Variants in PGCKA1 observed in about 807,000 individuals in gnomAD.
PGCKA1 encodes PDCD10 and GCKIII kinases associated 1.
the PGCKA1 span, among the ~76,000 whole-genome samples, chr4:37,530,085 T>C: frequency 6.6e-6 from 1 of 152,254 alleles, no homozygotes; most frequent in Non-Finnish European, 1.5e-5. Flanking sequence ...TAAAACTTTT[T>C]ATCTTCCATC....
chr4:37,562,117 A>G, the PGCKA1 span, among the ~76,000 whole-genome samples: 16 of 152,228 alleles, frequency 1.1e-4, no homozygotes, highest in African/African-American at 3.9e-4. Flanking sequence ...GTTTGAGCTC[A>G]GCTAGAAACA....
At chr4:37,570,249 C>T in the PGCKA1 span, among the ~76,000 whole-genome samples, 2 of 148,560 alleles carry the variant, frequency 1.3e-5, no homozygotes, top group Non-Finnish European at 3.0e-5. Context: ...CCGCCGACCT[C>T]GGCCTCCCAA....
chr4:37,508,013 G>A, the PGCKA1 span, among the ~76,000 whole-genome samples: 1 of 152,086 alleles, frequency 6.6e-6, no homozygotes, highest in African/African-American at 2.4e-5. Context: ...CTCTCTCCTA[G>A]CCTGTGAAGT....
the PGCKA1 span, among the ~76,000 whole-genome samples, chr4:37,512,454 C>CTATTT: frequency 7.9e-6 from 1 of 126,968 alleles, no homozygotes; most frequent in African/African-American, 3.1e-5. Context: ...GTGTTGATTT[C>CTATTT]TTTTTTTTTT....
the PGCKA1 span, among the ~76,000 whole-genome samples, chr4:37,466,787 C>A: frequency 6.6e-6 from 1 of 152,074 alleles, no homozygotes; most frequent in Admixed American, 6.6e-5. Context: ...TGAAAAAAAT[C>A]CATATATCAT....
At chr4:37,483,059 G>C in the PGCKA1 span, among the ~76,000 whole-genome samples, 29 of 152,330 alleles carry the variant, frequency 1.9e-4, no homozygotes, top group Non-Finnish European at 3.8e-4. Context: ...GAGGGGCCCA[G>C]TGGGAGATAA....
At chr4:37,479,615 C>T in the PGCKA1 span, among the ~76,000 whole-genome samples, 1 of 152,128 alleles carries the variant, frequency 6.6e-6, no homozygotes, top group Non-Finnish European at 1.5e-5. Context: ...TGGGCGCTAA[C>T]CAGGCAGGAG....
the PGCKA1 span, among the ~76,000 whole-genome samples, chr4:37,507,528 AAACAAACT>A: frequency 2.6e-5 from 4 of 152,260 alleles, no homozygotes; most frequent in African/African-American, 9.6e-5. Context: ...ACACTAGCAT[AAACAAACT>A]AACAAAAAGA....
the PGCKA1 span, among the ~76,000 whole-genome samples, chr4:37,572,433 A>G: frequency 2.0e-4 from 30 of 152,314 alleles, no homozygotes; most frequent in Non-Finnish European, 3.2e-4. Flanking sequence ...GAAAAATGCA[A>G]AGAATCCCCA....
chr4:37,562,196 T>G, the PGCKA1 span, among the ~76,000 whole-genome samples: 10 of 152,150 alleles, frequency 6.6e-5, no homozygotes, highest in African/African-American at 2.4e-4. Context: ...ACAAGCACCA[T>G]GAGTATTGAT....
the PGCKA1 span, among the ~76,000 whole-genome samples, chr4:37,484,532 G>A: frequency 1.3e-5 from 2 of 152,116 alleles, no homozygotes; most frequent in African/African-American, 4.8e-5. Context: ...TTTGTGGGGA[G>A]CATATCATGA....
the PGCKA1 span, among the ~76,000 whole-genome samples, chr4:37,467,073 G>A: frequency 6.6e-6 from 1 of 152,162 alleles, no homozygotes; most frequent in African/African-American, 2.4e-5. Flanking sequence ...ACTCCAGCCT[G>A]GGTGACACAG....
At chr4:37,583,639 G>A in the PGCKA1 span, among the ~76,000 whole-genome samples, 21 of 152,012 alleles carry the variant, frequency 1.4e-4, no homozygotes, top group East Asian at 3.9e-4. Flanking sequence ...GGGTTTCACC[G>A]TATTAGCCAG....
chr4:37,547,394 A>T, the PGCKA1 span, among the ~76,000 whole-genome samples: 1 of 152,170 alleles, frequency 6.6e-6, no homozygotes, highest in African/African-American at 2.4e-5. Context: ...TGTGGTGTGC[A>T]TGTGGTGTGA....
the PGCKA1 span, among the ~76,000 whole-genome samples, chr4:37,546,855 G>A: frequency 6.6e-6 from 1 of 152,252 alleles, no homozygotes; most frequent in Non-Finnish European, 1.5e-5. Flanking sequence ...GCAGCACGTA[G>A]CAGGCCCCTG....
At chr4:37,458,976 T>C in the PGCKA1 span, among the ~76,000 whole-genome samples, 2 of 152,176 alleles carry the variant, frequency 1.3e-5, no homozygotes, top group Non-Finnish European at 2.9e-5. Flanking sequence ...GACATGTTAG[T>C]CTGGATTAGG....
At chr4:37,521,574 A>T in the PGCKA1 span, among the ~76,000 whole-genome samples, 1,710 of 152,188 alleles carry the variant, frequency 0.011, 33 homozygotes, top group African/African-American at 0.038. Flanking sequence ...CTATTTTTTT[A>T]AATGTTTTAA....
At chr4:37,480,634 GAGA>G in the PGCKA1 span, among the ~76,000 whole-genome samples, 1 of 152,258 alleles carries the variant, frequency 6.6e-6, no homozygotes, top group Non-Finnish European at 1.5e-5. Context: ...TCTGTGTGTG[GAGA>G]AGTTCATGGC....
At chr4:37,583,916 C>T in the PGCKA1 span, among the ~76,000 whole-genome samples, 1 of 152,192 alleles carries the variant, frequency 6.6e-6, no homozygotes, top group Non-Finnish European at 1.5e-5. Flanking sequence ...TGAATTCTTA[C>T]CTTTAAGCTA....
Sources: gnomAD v4.1 joint callset for allele counts (sites outside exome capture counted in the v4.1 genomes callset) on GRCh38, gnomAD v4.1.1 for gene constraint, MANE v1.5 for transcripts, NCBI Gene and HGNC (gene_info 2026-07-23, HGNC 2026-07-21) for gene names.